Variants in FRYL observed in about 807,000 individuals in gnomAD.
FRYL encodes the protein protein furry homolog-like.
Under a neutral mutation model 351.2 loss-of-function variants are expected in FRYL, and 150 were observed. The ratio of observed to expected loss-of-function variants is 0.43; its 90% CI spans 0.37 to 0.49. FRYL has a LOEUF of 0.49. Among genes scored for constraint, FRYL ranks in the 20% least tolerant of loss-of-function variants. FRYL has a pLI of 0.00. For missense variants in FRYL, 3,036 were observed against 3,619.3 expected (o/e 0.84, Z 4.13); for synonymous variants, 1,153 against 1,257.1 (o/e 0.92, Z 1.75).
At chr4:48,675,373 CG>C (rs1405074242) in intron 3 of FRYL, among the ~76,000 whole-genome samples, 2 of 152,206 alleles carry the variant, frequency 1.3e-5, no homozygotes, top group Non-Finnish European at 2.9e-5. Flanking sequence ...GGGCTGCCTG[CG>C]GCGCTTGCGG....
chr4:48,763,828 T>C (rs1774663196), intron 1 of FRYL, among the ~76,000 whole-genome samples: 1 of 152,118 alleles, frequency 6.6e-6, no homozygotes, highest in African/African-American at 2.4e-5. Flanking sequence ...GTATATAATC[T>C]TATATATAGG....
intron 59 of FRYL, among the ~76,000 whole-genome samples, chr4:48,509,669 T>A (rs1377244076): frequency 6.6e-6 from 1 of 152,156 alleles, no homozygotes; most frequent in Non-Finnish European, 1.5e-5. Flanking sequence ...TGCTTTTTTC[T>A]CCCACTGCTT....
At chr4:48,753,407 A>T (rs2149669161) in intron 1 of FRYL, among the ~76,000 whole-genome samples, 1 of 152,330 alleles carries the variant, frequency 6.6e-6, no homozygotes, top group African/African-American at 2.4e-5. Context: ...TCCTCTGAAC[A>T]TATTCTAGGT....
At chr4:48,642,674 T>C (rs1252258162) in intron 3 of FRYL, among the ~76,000 whole-genome samples, 1 of 152,116 alleles carries the variant, frequency 6.6e-6, no homozygotes, top group African/African-American at 2.4e-5. Flanking sequence ...TACAGAAATA[T>C]CACTTATTAT....
chr4:48,706,892 C>T (rs1227383194), intron 2 of FRYL, among the ~76,000 whole-genome samples: 2 of 152,114 alleles, frequency 1.3e-5, no homozygotes, highest in African/African-American at 4.8e-5. Context: ...CTTGAAAGCA[C>T]CCCCAGAAGG....
intron 33 of FRYL, among the ~76,000 whole-genome samples, chr4:48,559,689 A>AGGGGGGG: frequency 4.1e-5 from 1 of 24,594 alleles, no homozygotes; most frequent in African/African-American, 1.8e-4. Flanking sequence ...GGAGGGGGAT[A>AGGGGGGG]GGGGGTGGGG....
At chr4:48,670,448 A>G (rs923568063) in intron 3 of FRYL, among the ~76,000 whole-genome samples, 3 of 149,962 alleles carry the variant, frequency 2.0e-5, no homozygotes, top group Non-Finnish European at 4.4e-5. Context: ...ATATATATAC[A>G]TATACATATA....
At chr4:48,725,109 G>T (rs1769935989) in intron 1 of FRYL, among the ~76,000 whole-genome samples, 1 of 152,038 alleles carries the variant, frequency 6.6e-6, no homozygotes, top group Non-Finnish European at 1.5e-5. Context: ...ATTAGAAAGG[G>T]GTCTCACCCT....
At chr4:48,644,622 T>C (rs1371372194) in intron 3 of FRYL, among the ~76,000 whole-genome samples, 1 of 148,236 alleles carries the variant, frequency 6.7e-6, no homozygotes, top group Non-Finnish European at 1.5e-5. Flanking sequence ...AAAGAAAAAA[T>C]AAATATACTA....
Position 48,501,762 on chromosome 4 carries a change from T to C in FRYL, c.8482-29A>G, listed in dbSNP as rs554043694. ...GAAATAAATAACATTACATTAAATT[T>C]AGGTGTTATTTTCTAGACAGCATAT... is the stretch of plus-strand genomic sequence containing the variant. On this transcript the variant is annotated intron_variant, in intron 61 of 63. Coordinates refer to ENST00000358350, the MANE Select transcript of FRYL (RefSeq NM_015030.2). 3 of 1,253,688 alleles carry C rather than the reference T, an allele frequency of 2.4e-6. No individual in the cohort carries two copies. In the East Asian group the frequency reaches 7.0e-5, roughly 29 times the overall value. 77.7% of individuals were successfully genotyped at this position (1,253,688 alleles called of 1,614,324 possible).
At chr4:48,563,477 G>A (rs1239271327) in intron 31 of FRYL, among the ~76,000 whole-genome samples, 2 of 152,010 alleles carry the variant, frequency 1.3e-5, no homozygotes, top group Non-Finnish European at 2.9e-5. Context: ...AGCACTTTGG[G>A]AAGCCAAAGT....
chr4:48,609,766 TA>T lies in FRYL; in HGVS notation c.468del (p.Phe156LeufsTer28). On this transcript the variant is annotated frameshift_variant, in exon 8 of 64. Transcript: ENST00000358350. LOFTEE classifies it high-confidence loss of function. ...PLVHEVLNLA[F>X]KHFKHKEGYS... The stretch of plus-strand genomic sequence containing the variant: ...TACCCTTCCTTATGTTTAAAGTGCT[TA>T]AAAGCTAAGTTTAGAACTTCATGAA... 1 of 1,587,556 alleles carries T rather than the reference TA, an allele frequency of 6.3e-7. No homozygotes were observed. The highest frequency in any genetic ancestry group is 8.6e-7 in the Non-Finnish European group (1 of 1,163,338).
intron 19 of FRYL, among the ~76,000 whole-genome samples, chr4:48,583,660 T>G (rs1741426746): frequency 6.6e-6 from 1 of 151,722 alleles, no homozygotes; most frequent in Non-Finnish European, 1.5e-5. Context: ...CCCAGTACTT[T>G]GGGAGGCCAG....
At chr4:48,635,414 A>G (rs1454449648) in intron 3 of FRYL, among the ~76,000 whole-genome samples, 2 of 152,182 alleles carry the variant, frequency 1.3e-5, no homozygotes, top group African/African-American at 4.8e-5. Flanking sequence ...AGTATTTGAG[A>G]CTTGTCATAT....
chr4:48,512,601 A>C lies in FRYL; in HGVS notation c.8025T>G (p.Phe2675Leu). The change falls in exon 57 of 64, where the codon TTT becomes TTG. Residue 2675 changes from phenylalanine to leucine, a missense_variant. Around this residue, in one of 7 missense-constraint regions of FRYL, gnomAD observed 1,987 missense variants for 2,311.7 expected, o/e 0.86. Transcript: ENST00000358350. ...CTTCATCATCATATGCCACGGGCTG[A>C]AAGGCGGCTATGATGGCAGAAAGAA... ...SPFLSAIIAA[F>L]QPVAYDDEEE... The C allele has an allele frequency of 1.2e-6, 2 of 1,614,036 alleles. No individual in the cohort carries two copies. The highest frequency in any genetic ancestry group is 1.7e-6 in the Non-Finnish European group (2 of 1,179,930).
chr4:48,549,697 C>A lies in FRYL; in HGVS notation c.4634-74G>T. On this transcript the variant is annotated intron_variant, in intron 38 of 63. Coordinates refer to ENST00000358350, the MANE Select transcript of FRYL (RefSeq NM_015030.2). This position sits in a 1 kb window ranked among gnomAD's most constrained non-coding sequence, Gnocchi z 4.2. ...ATATAAGCAAACTCTAGTAAGATCC[C>A]AACTATTTATATAGTATTGGAAAGT... 1 of 1,245,764 alleles carries A rather than the reference C, an allele frequency of 8.0e-7. No homozygotes were observed. The highest frequency in any genetic ancestry group is 1.1e-6 in the Non-Finnish European group (1 of 878,624). The allele number at this position is 1,245,764 out of a possible 1,614,324, so 77.2% of individuals were successfully genotyped here.
intron 4 of FRYL, among the ~76,000 whole-genome samples, chr4:48,630,484 A>G (rs74556165): frequency 0.023 from 3,524 of 152,232 alleles, 137 homozygotes; most frequent in African/African-American, 0.079. Flanking sequence ...ATTTTCTTCT[A>G]TCTTCTTTTC....
Position 48,544,767 on chromosome 4 carries a change from A to G in FRYL, c.5401+16T>C, listed in dbSNP as rs60750323. On this transcript the variant is annotated intron_variant, in intron 43 of 63. Transcript: ENST00000358350. Reference sequence around the variant, plus strand: ...ATTAAAATGTCACTAAAACTAAAATATTTCTTAAAAGATACCTGAGCTTGA... The same window carrying G: ...ATTAAAATGTCACTAAAACTAAAATGTTTCTTAAAAGATACCTGAGCTTGA... 826 of 1,559,138 alleles carry G rather than the reference A, an allele frequency of 5.3e-4. 5 individuals are homozygous for G. The African/African-American group carries it at 0.011, about 20-fold the overall frequency.
At chr4:48,706,701 T>C (rs1411042193) in intron 2 of FRYL, among the ~76,000 whole-genome samples, 1 of 152,040 alleles carries the variant, frequency 6.6e-6, no homozygotes, top group Non-Finnish European at 1.5e-5. Context: ...TGTGATGGGC[T>C]CCCACTCTAA....
Sources: gnomAD v4.1 joint callset for allele counts (sites outside exome capture counted in the v4.1 genomes callset) on GRCh38, gnomAD v4.1.1 for gene constraint, gnomAD v4.1.1 regional missense constraint, Gnocchi (gnomAD v3.1) non-coding constraint, MANE v1.5 for transcripts, NCBI Gene and HGNC (gene_info 2026-07-23, HGNC 2026-07-21) for gene names.